SLC23A2: variants seen among roughly 807,000 people sequenced by gnomAD.
SLC23A2 encodes the protein solute carrier family 23 member 2.
In SLC23A2, 36 loss-of-function variants were observed where a neutral mutation model predicts 73.3. The ratio of observed to expected loss-of-function variants is 0.49; its 90% CI spans 0.38 to 0.65. The LOEUF (loss-of-function observed/expected upper bound fraction) is 0.65, where lower values mean the gene tolerates loss of function less well. SLC23A2 is among the 30% of genes least tolerant of loss of function. SLC23A2 has a pLI of 0.00. For synonymous variants in SLC23A2, 343 were observed against 327.3 expected (o/e 1.05, Z -0.52); for missense variants, 507 against 841.6 (o/e 0.60, Z 4.92).
chr20:5,007,182 A>C (rs2088201058), intron 1 of SLC23A2, among the ~76,000 whole-genome samples: 1 of 152,074 alleles, frequency 6.6e-6, no homozygotes, highest in Admixed American at 6.6e-5. Context: ...AATATAATTC[A>C]TGTACCCATA....
chr20:4,963,723 C>A (rs6107561), intron 2 of SLC23A2, among the ~76,000 whole-genome samples: 2 of 152,084 alleles, frequency 1.3e-5, no homozygotes, highest in Non-Finnish European at 2.9e-5. Flanking sequence ...TGGCACACAC[C>A]TGTAGTCCCA....
At chr20:4,886,894 T>A (rs933853482) in intron 6 of SLC23A2, among the ~76,000 whole-genome samples, 7 of 152,136 alleles carry the variant, frequency 4.6e-5, no homozygotes, top group African/African-American at 1.7e-4. Flanking sequence ...CCCTTTGAGC[T>A]GTCTGGCAGC....
At chr20:4,916,451 T>C (rs1468894427) in intron 3 of SLC23A2, among the ~76,000 whole-genome samples, 1 of 152,200 alleles carries the variant, frequency 6.6e-6, no homozygotes, top group Admixed American at 6.5e-5. Flanking sequence ...GAAAATGTTT[T>C]GGAACCAAAT....
chr20:4,972,785 C>T lies in SLC23A2; in HGVS notation c.-281-1866G>A, dbSNP rs189330091. 2.1e-3 allele frequency among the ~76,000 whole-genome samples: 313 copies of T among 152,200 alleles called. 2 individuals are homozygous for T. Among genetic ancestry groups the T allele is most frequent in the African/African-American group, 7.3e-3 (304 of 41,494 alleles). On this transcript the variant is annotated intron_variant, in intron 1 of 16. Coordinates refer to ENST00000338244, the MANE Select transcript of SLC23A2 (RefSeq NM_005116.6). ...TATTTTTAGTAGAGACACGGTTTCA[C>T]CATGCTGGCCAGGCTGGTCTTGAAC...
At chr20:4,893,306 C>A (rs533906719) in intron 6 of SLC23A2, among the ~76,000 whole-genome samples, 1 of 152,100 alleles carries the variant, frequency 6.6e-6, no homozygotes, top group Non-Finnish European at 1.5e-5. Context: ...CTTAAGCAAT[C>A]CTCCCGCCTC....
At chr20:4,953,586 T>C (rs1200395330) in intron 2 of SLC23A2, among the ~76,000 whole-genome samples, 4 of 152,070 alleles carry the variant, frequency 2.6e-5, no homozygotes, top group African/African-American at 7.2e-5. Context: ...AATACTCAGA[T>C]TGCATCAAAA....
At chr20:4,944,539 G>A (rs1345482089) in intron 2 of SLC23A2, among the ~76,000 whole-genome samples, 1 of 152,178 alleles carries the variant, frequency 6.6e-6, no homozygotes, top group African/African-American at 2.4e-5. Flanking sequence ...ACCCGGCCAG[G>A]AACCTGTATT....
At chr20:4,948,400 T>C (rs1005430880) in intron 2 of SLC23A2, among the ~76,000 whole-genome samples, 1 of 152,198 alleles carries the variant, frequency 6.6e-6, no homozygotes, top group Admixed American at 6.5e-5. Context: ...AAATCTCTTG[T>C]GCAGTACTGT....
intron 2 of SLC23A2, among the ~76,000 whole-genome samples, chr20:4,958,755 A>G (rs1263823483): frequency 6.6e-6 from 1 of 152,072 alleles, no homozygotes; most frequent in African/African-American, 2.4e-5. Flanking sequence ...ACGCTGTACT[A>G]TACCATCTCT....
intron 3 of SLC23A2, among the ~76,000 whole-genome samples, chr20:4,922,876 C>G (rs950247704): frequency 6.6e-6 from 1 of 150,836 alleles, no homozygotes; most frequent in Admixed American, 6.6e-5. Context: ...TAAGAGATGG[C>G]CAGAATGCTG....
Position 4,853,576 on chromosome 20 carries a change from C to T in SLC23A2, c.*3396G>A, listed in dbSNP as rs912264683. 3 of 152,614 alleles carry T rather than the reference C, an allele frequency of 2.0e-5. No homozygotes were observed. The highest frequency in any genetic ancestry group is 7.2e-5 in the African/African-American group (3 of 41,434). 9.5% of individuals were successfully genotyped at this position (152,614 alleles called of 1,614,324 possible). A position where few individuals can be genotyped will look rare whatever the true frequency, so the allele number is the denominator to read the frequency against. On this transcript the variant is annotated 3_prime_UTR_variant, in exon 17 of 17. Transcript: ENST00000338244. ...ACATTGTCATGAAAATTATATCATT[C>T]CCTCCCTGGAAAACTGTGACTATTA...
intron 2 of SLC23A2, 131 bp from the exon 3 acceptor site, chr20:4,932,847 C>T: frequency 3.7e-6 from 1 of 268,852 alleles, no homozygotes; most frequent in Non-Finnish European, 7.0e-6. Context: ...AATACTTTAC[C>T]TAATTACAGT....
rs115238631 is a variant in SLC23A2, at chr20:4,943,148, C to T, written c.-154-10432G>A. Among the ~76,000 whole-genome samples, 1,210 of 141,118 alleles carry T rather than the reference C, an allele frequency of 8.6e-3. 13 individuals carry two copies. The highest frequency in any genetic ancestry group is 0.031 in the African/African-American group (1,148 of 37,516). 92.6% of individuals were successfully genotyped at this position (141,118 alleles called of 152,430 possible). ...GAAGTACACAGGGCGGGGGGTGGGG[C>T]GGTGTGGAGAAGATAGATGTTCCAT... On this transcript the variant is annotated intron_variant, in intron 2 of 16. Coordinates refer to ENST00000338244, the MANE Select transcript of SLC23A2 (RefSeq NM_005116.6).
rs985237111 is a variant in SLC23A2 at position 4,868,224 on chromosome 20, C to T, written c.1251-349G>A. On this transcript the variant is annotated intron_variant, in intron 12 of 16. Coordinates refer to ENST00000338244, the MANE Select transcript of SLC23A2 (RefSeq NM_005116.6). The surrounding 1 kb of genome is among the most constrained non-coding windows in gnomAD (Gnocchi z 4.4). ...GAGTAGCTGGGATTACAGGTTTGCA[C>T]CACCATGCCTGGCTAATTTTTGTAT... Among the ~76,000 whole-genome samples the T allele has an allele frequency of 1.3e-5, 2 of 152,060 alleles. No homozygotes were observed. The highest frequency in any genetic ancestry group is 2.9e-5 in the Non-Finnish European group (2 of 68,020).
chr20:4,950,563 T>C (rs566337897), intron 2 of SLC23A2, among the ~76,000 whole-genome samples: 1 of 152,138 alleles, frequency 6.6e-6, no homozygotes, highest in East Asian at 1.9e-4. Context: ...CAGTCTGACA[T>C]CAGGACTAGG....
intron 2 of SLC23A2, among the ~76,000 whole-genome samples, chr20:4,941,207 C>G (rs953918968): frequency 1.3e-5 from 2 of 151,734 alleles, no homozygotes; most frequent in African/African-American, 4.8e-5. Flanking sequence ...TAGAGATCTG[C>G]TGGACCACAC....
At chr20:4,858,314 T>A (rs746951824) in intron 16 of SLC23A2, among the ~76,000 whole-genome samples, 4 of 152,140 alleles carry the variant, frequency 2.6e-5, no homozygotes, top group Non-Finnish European at 5.9e-5. Flanking sequence ...GCTCATGACT[T>A]TTTTTTATAT....
intron 13 of SLC23A2, among the ~76,000 whole-genome samples, chr20:4,864,851 C>T (rs1248311707): frequency 2.0e-5 from 3 of 152,156 alleles, no homozygotes; most frequent in African/African-American, 7.2e-5. Context: ...AGACTCCTGG[C>T]AGGGTCGGGC....
chr20:4,986,678 A>ACG (rs2087834650), intron 1 of SLC23A2, among the ~76,000 whole-genome samples: 1 of 143,188 alleles, frequency 7.0e-6, no homozygotes, highest in African/African-American at 2.5e-5. Flanking sequence ...ACACACACAC[A>ACG]CACACACACA....
Sources: gnomAD v4.1 joint callset for allele counts (sites outside exome capture counted in the v4.1 genomes callset) on GRCh38, gnomAD v4.1.1 for gene constraint, Gnocchi (gnomAD v3.1) non-coding constraint, MANE v1.5 for transcripts, NCBI Gene and HGNC (gene_info 2026-07-23, HGNC 2026-07-21) for gene names.